PRPH: variants seen among roughly 807,000 people sequenced by gnomAD.
PRPH encodes the protein neurofilament 4 (57kD).
In PRPH, 48 loss-of-function variants were observed where a neutral mutation model predicts 52.6. The observed-to-expected ratio is 0.91, with a 90% CI of 0.72 to 1.16. The LOEUF (loss-of-function observed/expected upper bound fraction) is 1.16. PRPH is among the 50% of genes most tolerant of loss of function. The probability of loss-of-function intolerance (pLI) is 0.00; values close to 1 mark genes in which losing one functional copy is unlikely to be tolerated. For missense variants in PRPH, 579 were observed against 635.7 expected (o/e 0.91, Z 0.96); for synonymous variants, 279 against 283.8 (o/e 0.98, Z 0.17).
At position 49,297,219 on chromosome 12, in the gene PRPH, G is replaced by A. The variant is rs371983584; in HGVS notation, c.942G>A (p.Glu314=). ...GCCAGGCCAAGCAGGAGATGAACGAGTCCCGACGCCAGATCCAGAGTCTAA... is the reference window on the plus strand; with the variant it reads ...GCCAGGCCAAGCAGGAGATGAACGAATCCCGACGCCAGATCCAGAGTCTAA... ...ALRQAKQEMN[E]SRRQIQSLTC... is the part of the protein sequence containing the mutation. The change falls in exon 5 of 9, where the codon GAG becomes GAA. Residue 314 remains glutamate, a synonymous_variant. Coordinates refer to ENST00000257860, the MANE Select transcript of PRPH (RefSeq NM_006262.4). This position sits in a 1 kb window ranked among gnomAD's most constrained non-coding sequence, Gnocchi z 4.4. The A allele has an allele frequency of 6.8e-6, 11 of 1,613,942 alleles. No individual in the cohort carries two copies. In the African/African-American group the frequency reaches 1.5e-4, roughly 22 times the overall value.
Position 49,297,090 on chromosome 12 carries a change from G to T in PRPH, c.870+34G>T, listed in dbSNP as rs1310952333. ...GCCGGGAGGGCCTGCGAGGCGGGAC[G>T]CTGGGGTGGTGTCGCGCGTCCCAGC... is the stretch of plus-strand genomic sequence containing the variant. On this transcript the variant is annotated intron_variant, in intron 4 of 8. Transcript: ENST00000257860. The surrounding 1 kb of genome is among the most constrained non-coding windows in gnomAD (Gnocchi z 4.4). 6.2e-7 allele frequency: 1 copy of T among 1,613,880 alleles called. No individual in the cohort carries two copies. Among genetic ancestry groups the T allele is most frequent in the Non-Finnish European group, 8.5e-7 (1 of 1,179,950 alleles).
In PRPH at chr12:49,296,499, T is replaced by C. The variant is rs777872950; in HGVS notation, c.674T>C (p.Ile225Thr). The change falls in exon 3 of 9, where the codon ATT (isoleucine) becomes ACT (threonine). Residue 225 changes from isoleucine (I) to threonine (T), a missense_variant. Coordinates refer to ENST00000257860, the MANE Select transcript of PRPH (RefSeq NM_006262.4). This position sits in a 1 kb window ranked among gnomAD's most constrained non-coding sequence, Gnocchi z 5.1. ...ERKIESLMDE[I>T]EFLKKLHEEE... Reference sequence around the variant, plus strand: ...AAGATTGAGTCTCTGATGGATGAGATTGAGTTCCTCAAGAAGCTGCACGAG... The same window carrying C: ...AAGATTGAGTCTCTGATGGATGAGACTGAGTTCCTCAAGAAGCTGCACGAG... 1.9e-5 allele frequency: 31 copies of C among 1,614,032 alleles called. No homozygotes were observed. Among genetic ancestry groups the C allele is most frequent in the Admixed American group, 6.7e-5 (4 of 60,010 alleles).
chr12:49,296,725 C>T lies in PRPH; in HGVS notation c.703-164C>T. On this transcript the variant is annotated intron_variant, in intron 3 of 8. Coordinates refer to ENST00000257860, the MANE Select transcript of PRPH (RefSeq NM_006262.4). This position sits in a 1 kb window ranked among gnomAD's most constrained non-coding sequence, Gnocchi z 5.1. Reference sequence around the variant, plus strand: ...GGCAGCGGGGCTGTACCTCCGAAACCTGGCCTCTGGTCTCGCGCCCGCGGG... The same window carrying T: ...GGCAGCGGGGCTGTACCTCCGAAACTTGGCCTCTGGTCTCGCGCCCGCGGG... The T allele has an allele frequency of 8.1e-7, 1 of 1,232,064 alleles. No individual in the cohort carries two copies. 76.3% of individuals were successfully genotyped at this position (1,232,064 alleles called of 1,614,324 possible). A position where few individuals can be genotyped will look rare whatever the true frequency, so the allele number is the denominator to read the frequency against.
rs899781502 is a variant in PRPH at position 49,296,497 on chromosome 12, G to A, written c.672G>A (p.Glu224=). 6.2e-7 allele frequency: 1 copy of A among 1,614,074 alleles called. No homozygotes were observed. Among genetic ancestry groups the A allele is most frequent in the African/African-American group, 1.3e-5 (1 of 74,930 alleles). Residue 224 remains glutamate (E), a synonymous_variant, in exon 3 of 9, where the codon GAG becomes GAA. Coordinates refer to ENST00000257860, the MANE Select transcript of PRPH (RefSeq NM_006262.4). The surrounding 1 kb of genome is among the most constrained non-coding windows in gnomAD (Gnocchi z 5.1). Reference sequence around the variant, plus strand: ...GCAAGATTGAGTCTCTGATGGATGAGATTGAGTTCCTCAAGAAGCTGCACG... The same window carrying A: ...GCAAGATTGAGTCTCTGATGGATGAAATTGAGTTCCTCAAGAAGCTGCACG... ...LERKIESLMD[E]IEFLKKLHEE... is the part of the protein sequence containing the mutation.
chr12:49,298,548 T>G lies in PRPH; in HGVS notation c.*195T>G. 1 of 607,776 alleles carries G rather than the reference T, an allele frequency of 1.6e-6. No individual in the cohort carries two copies. Among genetic ancestry groups the G allele is most frequent in the East Asian group, 2.8e-5 (1 of 35,724 alleles). 37.6% of individuals were successfully genotyped at this position (607,776 alleles called of 1,614,324 possible). A position where few individuals can be genotyped will look rare whatever the true frequency, so the allele number is the denominator to read the frequency against. ...CCCTGCCCTGACACTTGATGTGACCTATGTGCTTCCCTTTTCATGTCCCGA... is the reference window on the plus strand; with the variant it reads ...CCCTGCCCTGACACTTGATGTGACCGATGTGCTTCCCTTTTCATGTCCCGA... On this transcript the variant is annotated 3_prime_UTR_variant, in exon 9 of 9. Coordinates refer to ENST00000257860, the MANE Select transcript of PRPH (RefSeq NM_006262.4).
intron 1 of PRPH, 187 bp from the exon 2 acceptor site, chr12:49,295,991 G>T: frequency 1.4e-6 from 2 of 1,387,602 alleles, no homozygotes; most frequent in Non-Finnish European, 1.9e-6. Context: ...GAGTAATGAG[G>T]AAACCCCCTT....
In PRPH at chr12:49,297,659, A is replaced by G; in HGVS notation, c.1218-18A>G. The G allele has an allele frequency of 6.2e-7, 1 of 1,613,466 alleles. No individual in the cohort carries two copies. The highest frequency in any genetic ancestry group is 8.5e-7 in the Non-Finnish European group (1 of 1,180,004). On this transcript the variant is annotated intron_variant, in intron 6 of 8. Transcript: ENST00000257860. The surrounding 1 kb of genome is among the most constrained non-coding windows in gnomAD (Gnocchi z 4.4). The stretch of plus-strand genomic sequence containing the variant: ...GCGGGGCCTGGGCAGGGGCGCTGAC[A>G]ACTTGCTTCGCCTCTAGGATCTCCG...
chr12:49,296,137 G>C lies in PRPH; in HGVS notation c.546-41G>C, dbSNP rs1171050413. ...GTGCGGTCTGGGGTGCGAGCTGGGC[G>C]GCGACCCCGCAGTTCAGCCTCTGCA... On this transcript the variant is annotated intron_variant, in intron 1 of 8. Transcript: ENST00000257860. This position sits in a 1 kb window ranked among gnomAD's most constrained non-coding sequence, Gnocchi z 5.1. 4 of 1,598,938 alleles carry C rather than the reference G, an allele frequency of 2.5e-6. No individual in the cohort carries two copies. Among genetic ancestry groups the C allele is most frequent in the Non-Finnish European group, 3.4e-6 (4 of 1,173,922 alleles).
Position 49,295,702 on chromosome 12 carries a change from G to T in PRPH, c.502G>T (p.Glu168Ter). 2 of 1,528,408 alleles carry T rather than the reference G, an allele frequency of 1.3e-6. No individual in the cohort carries two copies. The highest frequency in any genetic ancestry group is 1.8e-6 in the Non-Finnish European group (2 of 1,142,702). 94.7% of individuals were successfully genotyped at this position (1,528,408 alleles called of 1,614,324 possible). A position where few individuals can be genotyped will look rare whatever the true frequency, so the allele number is the denominator to read the frequency against. Residue 168 changes from glutamate (E) to a stop codon, truncating the protein, a stop_gained, in exon 1 of 9, where the codon GAG (glutamate) becomes TAG (stop). Coordinates refer to ENST00000257860, the MANE Select transcript of PRPH (RefSeq NM_006262.4). LOFTEE classifies it high-confidence loss of function. ...LGRERDRVQV[E>*]RDGLAEDLAA... is the part of the protein sequence containing the mutation. ...CCGCGAGCGTGACCGGGTGCAGGTG[G>T]AGCGCGACGGGCTGGCGGAGGACCT...
In PRPH at chr12:49,295,699, G is replaced by A. The variant is rs1030647594; in HGVS notation, c.499G>A (p.Val167Met). The A allele has an allele frequency of 5.9e-6, 9 of 1,529,762 alleles. No homozygotes were observed. Among genetic ancestry groups the A allele is most frequent in the African/African-American group, 1.4e-5 (1 of 72,364 alleles). 94.8% of individuals were successfully genotyped at this position (1,529,762 alleles called of 1,614,324 possible). The part of the protein sequence containing the change: ...LLGRERDRVQ[V>M]ERDGLAEDLA... ...GGGCCGCGAGCGTGACCGGGTGCAG[G>A]TGGAGCGCGACGGGCTGGCGGAGGA... Residue 167 changes from valine (V) to methionine (M), a missense_variant, in exon 1 of 9, where the codon GTG becomes ATG. By Grantham distance (21) the Val-to-Met change is conservative. Coordinates refer to ENST00000257860, the MANE Select transcript of PRPH (RefSeq NM_006262.4).
At chr12:49,298,131 A>G (rs767488276) in intron 8 of PRPH, 94 bp downstream of exon 8, 38 of 1,500,876 alleles carry the variant, frequency 2.5e-5, no homozygotes, top group Non-Finnish European at 3.4e-5. Context: ...AGGGTGGGTA[A>G]TTCTTGGGGA....
chr12:49,297,502 A>G lies in PRPH; in HGVS notation c.1142A>G (p.Glu381Gly). The G allele has an allele frequency of 6.2e-7, 1 of 1,612,336 alleles. No individual in the cohort carries two copies. Among genetic ancestry groups the G allele is most frequent in the Non-Finnish European group, 8.5e-7 (1 of 1,179,908 alleles). The change falls in exon 6 of 9, where the codon GAG becomes GGG. Residue 381 changes from glutamate to glycine, a missense_variant. Glu to Gly is a moderately conservative substitution (Grantham distance 98). Transcript: ENST00000257860. This position sits in a 1 kb window ranked among gnomAD's most constrained non-coding sequence, Gnocchi z 4.4. Reference protein sequence around the residue: ...EMARHLREYQELLNVKMALDI... With the variant: ...EMARHLREYQGLLNVKMALDI... ...GCGCGGCACCTGAGGGAGTACCAGG[A>G]GCTCCTCAACGTCAAGATGGCCCTG... is the stretch of plus-strand genomic sequence containing the variant.
rs1046150577 is a variant in PRPH at position 49,295,955 on chromosome 12, G to A, written c.545+210G>A. The A allele has an allele frequency of 2.1e-6, 3 of 1,440,562 alleles. No homozygotes were observed. The African/African-American group carries it at 4.3e-5, about 20-fold the overall frequency. The allele number at this position is 1,440,562 out of a possible 1,614,324, so 89.2% of individuals were successfully genotyped here. A position where few individuals can be genotyped will look rare whatever the true frequency, so the allele number is the denominator to read the frequency against. ...TTGCTCTGAGTGTTTGGGGAGGTGG[G>A]AGAAGTGGGTATCTGTGCCTCCCCT... On this transcript the variant is annotated intron_variant, in intron 1 of 8. Coordinates refer to ENST00000257860, the MANE Select transcript of PRPH (RefSeq NM_006262.4).
Position 49,298,268 on chromosome 12 carries a change from A to G in PRPH, c.1348-20A>G. The G allele has an allele frequency of 6.2e-7, 1 of 1,613,926 alleles. No individual in the cohort carries two copies. Among genetic ancestry groups the G allele is most frequent in the Non-Finnish European group, 8.5e-7 (1 of 1,179,938 alleles). On this transcript the variant is annotated intron_variant, in intron 8 of 8. Coordinates refer to ENST00000257860, the MANE Select transcript of PRPH (RefSeq NM_006262.4). ...TGGCGCTGAATGGCTTGTGCCCATC[A>G]TATGCCCTGTCCCCAGCAGGTGGTG... is the stretch of plus-strand genomic sequence containing the variant.
Position 49,295,677 on chromosome 12 carries a change from C to G in PRPH, c.477C>G (p.Gly159=). The G allele has an allele frequency of 6.5e-7, 1 of 1,534,582 alleles. No homozygotes were observed. Among genetic ancestry groups the G allele is most frequent in the Non-Finnish European group, 8.7e-7 (1 of 1,144,148 alleles). The change falls in exon 1 of 9, where the codon GGC becomes GGG. Residue 159 remains glycine (G), a synonymous_variant. Coordinates refer to ENST00000257860, the MANE Select transcript of PRPH (RefSeq NM_006262.4). ...TGCGGCGAGAGCTGGAGCTGTTGGG[C>G]CGCGAGCGTGACCGGGTGCAGGTGG... ...RELRRELELL[G]RERDRVQVER...
chr12:49,296,972 G>C lies in PRPH; in HGVS notation c.786G>C (p.Thr262=), dbSNP rs370111920. 6.8e-6 allele frequency: 11 copies of C among 1,613,692 alleles called. No individual in the cohort carries two copies. The highest frequency in any genetic ancestry group is 3.3e-4 in the Middle Eastern group (2 of 6,072). The stretch of plus-strand genomic sequence containing the variant: ...AAGCCACGGTGAAGCCCGAGCTGAC[G>C]GCAGCGCTGAGGGACATCCGCGCGC... ...EVEATVKPEL[T]AALRDIRAQY... The change falls in exon 4 of 9, where the codon ACG becomes ACC. Residue 262 remains threonine (T), a synonymous_variant. Transcript: ENST00000257860. This position sits in a 1 kb window ranked among gnomAD's most constrained non-coding sequence, Gnocchi z 5.1.
Position 49,297,849 on chromosome 12 carries a change from C to G in PRPH, c.1268-109C>G. The G allele has an allele frequency of 6.3e-7, 1 of 1,575,458 alleles. No individual in the cohort carries two copies. The highest frequency in any genetic ancestry group is 1.1e-5 in the South Asian group (1 of 90,192). On this transcript the variant is annotated intron_variant, in intron 7 of 8. Coordinates refer to ENST00000257860, the MANE Select transcript of PRPH (RefSeq NM_006262.4). This position sits in a 1 kb window ranked among gnomAD's most constrained non-coding sequence, Gnocchi z 4.4. Reference sequence around the variant, plus strand: ...CTTCTGGGTCCTGGCCTGTACCCACCCCTACTCCTCAAACCCGCCCCTCCC... The same window carrying G: ...CTTCTGGGTCCTGGCCTGTACCCACGCCTACTCCTCAAACCCGCCCCTCCC...
chr12:49,295,603 C>T lies in PRPH; in HGVS notation c.403C>T (p.Gln135Ter). 6.5e-7 allele frequency: 1 copy of T among 1,550,082 alleles called. No individual in the cohort carries two copies. The highest frequency in any genetic ancestry group is 8.7e-7 in the Non-Finnish European group (1 of 1,147,450). ...CGGGGAGCTGAGCCAAGCCCGGGGC[C>T]AGGAGCCGGCGCGCGCCGACCAGCT... The part of the protein sequence containing the change: ...LRGELSQARG[Q>*]EPARADQLCQ... Residue 135 changes from glutamine (Q) to a stop codon, truncating the protein, a stop_gained, in exon 1 of 9, where the codon CAG (glutamine) becomes TAG (stop). Coordinates refer to ENST00000257860, the MANE Select transcript of PRPH (RefSeq NM_006262.4). LOFTEE classifies it high-confidence loss of function.
Position 49,298,291 on chromosome 12 carries a change from G to A in PRPH, c.1351G>A (p.Val451Met). The A allele has an allele frequency of 6.2e-7, 1 of 1,614,176 alleles. No homozygotes were observed. Among genetic ancestry groups the A allele is most frequent in the Non-Finnish European group, 8.5e-7 (1 of 1,180,004 alleles). ...KTIETRNGEV[V>M]TESQKEQRSE... The stretch of plus-strand genomic sequence containing the variant: ...TCATATGCCCTGTCCCCAGCAGGTG[G>A]TGACAGAGTCCCAGAAGGAGCAGCG... Residue 451 changes from valine (V) to methionine (M), a missense_variant, in exon 9 of 9, where the codon GTG becomes ATG. By Grantham distance (21) the Val-to-Met change is conservative (BLOSUM62 1). Coordinates refer to ENST00000257860, the MANE Select transcript of PRPH (RefSeq NM_006262.4).
Sources: gnomAD v4.1 joint callset for allele counts on GRCh38, gnomAD v4.1.1 for gene constraint, Gnocchi (gnomAD v3.1) non-coding constraint, MANE v1.5 for transcripts, NCBI Gene and HGNC (gene_info 2026-07-23, HGNC 2026-07-21) for gene names.